ZNF652: variants seen among roughly 807,000 people sequenced by gnomAD.
ZNF652 encodes zinc finger protein 652.
In ZNF652, 16 loss-of-function variants were observed where a neutral mutation model predicts 45.2. The observed-to-expected ratio is 0.35, with a 90% CI of 0.24 to 0.54. ZNF652 has a LOEUF of 0.54. ZNF652 is among the 20% of genes least tolerant of loss of function. The pLI is 0.91. For synonymous variants in ZNF652, 250 were observed against 260.6 expected (o/e 0.96, Z 0.39); for missense variants, 614 against 765.6 (o/e 0.80, Z 2.34).
intron 1 of ZNF652, among the ~76,000 whole-genome samples, chr17:49,340,738 C>T (rs531469363): frequency 2.6e-5 from 4 of 151,912 alleles, no homozygotes; most frequent in African/African-American, 4.8e-5. Context: ...GGCAAAACCC[C>T]ATCTCTACAA....
At chr17:49,344,007 G>C (rs4644893) in intron 1 of ZNF652, among the ~76,000 whole-genome samples, 64,273 of 151,402 alleles carry the variant, frequency 0.42, 13,919 homozygotes, top group East Asian at 0.48. Context: ...GACCATCCTG[G>C]CTAACACAGT....
chr17:49,311,169 T>C (rs2069706293), intron 5 of ZNF652, 143 bp downstream of exon 5: 3 of 810,828 alleles, frequency 3.7e-6, no homozygotes, highest in Admixed American at 2.9e-5. Flanking sequence ...CTAATCTATA[T>C]TTTTACATAT....
At chr17:49,352,896 A>T (rs2070297328) in intron 1 of ZNF652, among the ~76,000 whole-genome samples, 1 of 152,224 alleles carries the variant, frequency 6.6e-6, no homozygotes. Flanking sequence ...TACATACTAT[A>T]TGAGTCCATG....
chr17:49,289,171 G>A (rs930858259), downstream of ZNF652: 1 of 151,306 alleles, frequency 6.6e-6, no homozygotes, highest in Non-Finnish European at 1.5e-5. Flanking sequence ...TGTCACCTGA[G>A]GGTAAGGAAG....
intron 3 of ZNF652, 117 bp from the exon 4 acceptor site, chr17:49,312,159 CTTTTTTT>C (rs34553823): frequency 2.9e-4 from 40 of 139,056 alleles, no homozygotes; most frequent in South Asian, 4.5e-4. Context: ...ATTTGTGAGG[CTTTTTTT>C]TTTTTTTTTT....
chr17:49,311,776 G>A (rs2069715487), intron 4 of ZNF652, 151 bp downstream of exon 4: 3 of 631,996 alleles, frequency 4.7e-6, no homozygotes, highest in Middle Eastern at 2.6e-4. Context: ...ACCTTGCAGT[G>A]ACAGCGCACA....
chr17:49,337,590 A>G (rs1013246366), intron 1 of ZNF652, among the ~76,000 whole-genome samples: 2 of 152,202 alleles, frequency 1.3e-5, no homozygotes, highest in South Asian at 2.1e-4. Context: ...GACATCCAGT[A>G]TATCTGTCTT....
chr17:49,336,965 T>TTTTTTTTTTA (rs66568404), intron 1 of ZNF652, among the ~76,000 whole-genome samples: 3 of 114,792 alleles, frequency 2.6e-5, no homozygotes, highest in Non-Finnish European at 5.4e-5. Flanking sequence ...TTTTTTTTTT[T>TTTTTTTTTTA]AAGTATGTAA....
At chr17:49,327,383 G>A (rs112312298) in intron 1 of ZNF652, among the ~76,000 whole-genome samples, 6 of 151,768 alleles carry the variant, frequency 4.0e-5, no homozygotes, top group South Asian at 2.1e-4. Context: ...GGCTGGTCTC[G>A]AACTCCTGAC....
intron 1 of ZNF652, among the ~76,000 whole-genome samples, chr17:49,321,929 G>GA (rs1253182967): frequency 6.6e-6 from 1 of 152,178 alleles, no homozygotes; most frequent in East Asian, 1.9e-4. Flanking sequence ...TGAAAAGGAT[G>GA]AATTCAGAAA....
At chr17:49,350,761 G>C (rs2070262514) in intron 1 of ZNF652, among the ~76,000 whole-genome samples, 1 of 151,230 alleles carries the variant, frequency 6.6e-6, no homozygotes, top group East Asian at 2.0e-4. Context: ...CCTGAGGTCA[G>C]GAGTTCAAGA....
intron 1 of ZNF652, among the ~76,000 whole-genome samples, chr17:49,359,037 A>G (rs2070366553): frequency 1.3e-5 from 2 of 152,190 alleles, no homozygotes; most frequent in Non-Finnish European, 2.9e-5. Flanking sequence ...CAGCTGCTCT[A>G]TGATGTGTGG....
chr17:49,360,266 TAACC>T (rs1326718783), intron 1 of ZNF652, among the ~76,000 whole-genome samples: 1 of 152,112 alleles, frequency 6.6e-6, no homozygotes, highest in Non-Finnish European at 1.5e-5. Flanking sequence ...AAAAAAAAAC[TAACC>T]AACTAAACAA....
chr17:49,310,921 A>G (rs1295639849), intron 5 of ZNF652, among the ~76,000 whole-genome samples: 1 of 152,092 alleles, frequency 6.6e-6, no homozygotes, highest in African/African-American at 2.4e-5. Flanking sequence ...ACAAAACAAA[A>G]AACAGAGAGA....
intron 1 of ZNF652, among the ~76,000 whole-genome samples, chr17:49,326,853 C>A (rs80132027): frequency 6.6e-6 from 1 of 152,284 alleles, no homozygotes; most frequent in East Asian, 1.9e-4. Flanking sequence ...AGAAGAGCAA[C>A]GTCTGGACCC....
At chr17:49,306,291 A>C (rs1046351675) in intron 5 of ZNF652, among the ~76,000 whole-genome samples, 1 of 152,246 alleles carries the variant, frequency 6.6e-6, no homozygotes, top group African/African-American at 2.4e-5. Flanking sequence ...AGCAATTCAG[A>C]AAAGAAAATA....
At chr17:49,321,422 CTTTTT>C (rs11350404) in intron 1 of ZNF652, among the ~76,000 whole-genome samples, 1 of 73,230 alleles carries the variant, frequency 1.4e-5, no homozygotes, top group Non-Finnish European at 2.3e-5. Flanking sequence ...CACCACCACG[CTTTTT>C]TTTTTTTTTT....
At chr17:49,336,446 C>T (rs2070082839) in intron 1 of ZNF652, among the ~76,000 whole-genome samples, 1 of 151,320 alleles carries the variant, frequency 6.6e-6, no homozygotes, top group South Asian at 2.1e-4. Flanking sequence ...TCTCCTGCCT[C>T]AGCCTCACAA....
chr17:49,320,291 C>A (rs750513741), intron 1 of ZNF652, among the ~76,000 whole-genome samples: 1 of 152,096 alleles, frequency 6.6e-6, no homozygotes, highest in African/African-American at 2.4e-5. Context: ...AAAAAAATTA[C>A]TTTTGCTTTC....
Sources: gnomAD v4.1 joint callset for allele counts (sites outside exome capture counted in the v4.1 genomes callset) on GRCh38, gnomAD v4.1.1 for gene constraint, MANE v1.5 for transcripts, NCBI Gene and HGNC (gene_info 2026-07-23, HGNC 2026-07-21) for gene names.